Variants in TRAF7 observed in about 807,000 individuals in gnomAD.
The protein encoded by TRAF7 is E3 ubiquitin-protein ligase TRAF7.
In TRAF7, 45 loss-of-function variants were observed where a neutral mutation model predicts 89.3. The observed-to-expected ratio is 0.50, with a 90% CI of 0.40 to 0.65. The LOEUF is 0.65. TRAF7 is among the 30% of genes least tolerant of loss of function. TRAF7 has a pLI of 0.00. For synonymous variants in TRAF7, 406 were observed against 369.2 expected (o/e 1.10, Z -1.14); for missense variants, 677 against 918.1 (o/e 0.74, Z 3.39).
At chr16:2,171,744 G>A (rs980807444) in intron 7 of TRAF7, 139 bp downstream of exon 7, 59 of 1,308,516 alleles carry the variant, frequency 4.5e-5, no homozygotes, top group South Asian at 3.9e-4. Context: ...GGCTGCAGCC[G>A]TCCTAGGGAC....
chr16:2,176,522 C>T (rs756561086), intron 20 of TRAF7, 38 bp from the exon 21 acceptor site: 1 of 1,612,982 alleles, frequency 6.2e-7, no homozygotes, highest in South Asian at 1.1e-5. Context: ...GGGCAGCCGG[C>T]CGCAGGACAT....
rs770881335 is a variant in TRAF7 at position 2,163,951 on chromosome 16, C to T, written c.31C>T (p.Arg11Cys). Residue 11 changes from arginine to cysteine, a missense_variant, in exon 2 of 21, where the codon CGC (arginine) becomes TGC (cysteine). Physicochemically the swap from Arg to Cys is radical, Grantham distance 180. Around this residue, in one of 6 missense-constraint regions of TRAF7, gnomAD observed 240 missense variants for 191.9 expected, o/e 1.25. Transcript: ENST00000326181. The surrounding 1 kb of genome is among the most constrained non-coding windows in gnomAD (Gnocchi z 4.3). MSSGKSARYN[R>C]FSGGPSNLPT... ...CTCAGGCAAGAGTGCCCGCTACAAC[C>T]GCTTCTCCGGGGGGCCCAGCAATCT... 2.4e-5 allele frequency: 38 copies of T among 1,612,740 alleles called. No individual in the cohort carries two copies. In the South Asian group the frequency reaches 2.5e-4, roughly 11 times the overall value.
chr16:2,160,073 G>A (rs952094091), intron 1 of TRAF7, among the ~76,000 whole-genome samples: 7 of 152,234 alleles, frequency 4.6e-5, no homozygotes, highest in African/African-American at 2.4e-5. Context: ...GAGGGGCTGG[G>A]GTGGAGGCAG....
In TRAF7 at chr16:2,172,378, A is replaced by C; in HGVS notation, c.659+4A>C. ...CCATCAAGCTCAGCGCCCGGAAGTA[A>C]GTGCCCCTCCCTGGGCACCTCTGCC... On this transcript the variant is annotated splice_donor_region_variant and intron_variant, in intron 8 of 20. Coordinates refer to ENST00000326181, the MANE Select transcript of TRAF7 (RefSeq NM_032271.3). The C allele has an allele frequency of 6.2e-7, 1 of 1,611,684 alleles. No homozygotes were observed. Among genetic ancestry groups the C allele is most frequent in the Non-Finnish European group, 8.5e-7 (1 of 1,179,428 alleles).
intron 2 of TRAF7, among the ~76,000 whole-genome samples, chr16:2,165,148 G>C (rs73498161): frequency 8.6e-6 from 1 of 116,870 alleles, no homozygotes; most frequent in Non-Finnish European, 1.6e-5. Context: ...ATGCTGAAGC[G>C]TGTGAGTGCT....
chr16:2,165,053 C>T (rs1317510826), intron 2 of TRAF7, among the ~76,000 whole-genome samples: 6 of 120,148 alleles, frequency 5.0e-5, no homozygotes, highest in Non-Finnish European at 4.8e-5. Flanking sequence ...CTGGCCTGGT[C>T]GCATGCTGAA....
chr16:2,165,997 C>T, intron 3 of TRAF7, 61 bp downstream of exon 3: 1 of 1,599,528 alleles, frequency 6.3e-7, no homozygotes, highest in East Asian at 2.2e-5. Context: ...CCATGCCCAC[C>T]CTGCTAAGGA....
chr16:2,175,448 T>C, intron 16 of TRAF7, 31 bp downstream of exon 16: 1 of 1,612,272 alleles, frequency 6.2e-7, no homozygotes. Context: ...TACGTGTGTG[T>C]CACTGAGGCG....
At chr16:2,174,422 C>G in intron 14 of TRAF7, 89 bp downstream of exon 14, 1 of 1,336,468 alleles carries the variant, frequency 7.5e-7, no homozygotes, top group Non-Finnish European at 1.0e-6. Flanking sequence ...GAGCTCGAGC[C>G]TGTGTAGCTA....
At position 2,173,335 on chromosome 16, in the gene TRAF7, C is replaced by T. The variant is rs767621614; in HGVS notation, c.948C>T (p.Arg316=). The T allele has an allele frequency of 3.1e-6, 5 of 1,613,544 alleles. No individual in the cohort carries two copies. Among genetic ancestry groups the T allele is most frequent in the Non-Finnish European group, 4.2e-6 (5 of 1,180,038 alleles). The change falls in exon 10 of 21, where the codon CGC becomes CGT. Residue 316 remains arginine (R), a synonymous_variant. Coordinates refer to ENST00000326181, the MANE Select transcript of TRAF7 (RefSeq NM_032271.3). ...AQKDQEIAFL[R]SMLGKLSEKI... ...AGGACCAGGAGATCGCCTTCCTGCG[C>T]TCCATGCTGGGAAAGCTCTCGGAGA...
chr16:2,175,704 C>T (rs746337757), intron 17 of TRAF7, 82 bp downstream of exon 17: 22 of 1,588,538 alleles, frequency 1.4e-5, no homozygotes, highest in Non-Finnish European at 1.8e-5. Context: ...CTCCATCTGC[C>T]CTGTTCCTAC....
intron 2 of TRAF7, among the ~76,000 whole-genome samples, chr16:2,164,225 G>A (rs554442737): frequency 1.2e-4 from 18 of 151,160 alleles, no homozygotes; most frequent in East Asian, 2.0e-4. Context: ...TGTGTGGCGC[G>A]GCCTGGTTGC....
chr16:2,171,540 G>T lies in TRAF7; in HGVS notation c.442-32G>T. On this transcript the variant is annotated intron_variant, in intron 6 of 20. Transcript: ENST00000326181. The stretch of plus-strand genomic sequence containing the variant: ...GGACTAGGGAAAAAGAGGACCCTGC[G>T]CCACCCTCAAGCCCGCCCTTTGCCT... The T allele has an allele frequency of 3.1e-6, 5 of 1,613,062 alleles. No homozygotes were observed. The Admixed American group carries it at 6.7e-5, about 22-fold the overall frequency.
rs1336828939 is a variant in TRAF7 at position 2,176,359 on chromosome 16, C to G, written c.1973C>G (p.Ser658Ter). Residue 658 changes from serine (S) to a stop codon, truncating the protein, a stop_gained, in exon 20 of 21, where the codon TCA becomes TGA. Coordinates refer to ENST00000326181, the MANE Select transcript of TRAF7 (RefSeq NM_032271.3). LOFTEE classifies it high-confidence loss of function. Reference sequence around the variant, plus strand: ...GCTGTGTCCCGGGGCCGACTCTTCTCAGGGGCTGTGGATAGCACTGTGAAG... The same window carrying G: ...GCTGTGTCCCGGGGCCGACTCTTCTGAGGGGCTGTGGATAGCACTGTGAAG... ...ALAVSRGRLFSGAVDSTVKVW... is the reference protein window; with the variant it reads ...ALAVSRGRLF The G allele has an allele frequency of 1.9e-6, 3 of 1,606,800 alleles. No homozygotes were observed. Among genetic ancestry groups the G allele is most frequent in the Non-Finnish European group, 2.5e-6 (3 of 1,178,526 alleles).
At chr16:2,157,827 G>T (rs2093041545) in intron 1 of TRAF7, among the ~76,000 whole-genome samples, 1 of 152,178 alleles carries the variant, frequency 6.6e-6, no homozygotes, top group Non-Finnish European at 1.5e-5. Context: ...TGTGACTCTG[G>T]TCACAGCGGC....
rs751647565 is a variant in TRAF7, at chr16:2,173,252, G to T, written c.865G>T (p.Glu289Ter). 6.2e-7 allele frequency: 1 copy of T among 1,613,374 alleles called. No homozygotes were observed. The highest frequency in any genetic ancestry group is 8.5e-7 in the Non-Finnish European group (1 of 1,179,962). ...LETCRFEGLK[E>*]FLQQTDDRFH... ...GACTTGCCGCTTCGAGGGCCTGAAG[G>T]AGTTTCTGCAGCAGACGGATGACCG... Residue 289 changes from glutamate (E) to a stop codon, truncating the protein, a stop_gained, in exon 10 of 21, where the codon GAG becomes TAG. Transcript: ENST00000326181. LOFTEE classifies it high-confidence loss of function.
chr16:2,173,857 G>GCGGGGGGCCCCCCC, intron 12 of TRAF7, 21 bp downstream of exon 12: 4 of 1,607,470 alleles, frequency 2.5e-6, no homozygotes, highest in Non-Finnish European at 3.4e-6. Flanking sequence ...ACCCGCCGTG[G>GCGGGGGGCCCCCCC]CTCCCGCCCA....
chr16:2,164,301 T>C (rs2082554930), intron 2 of TRAF7, among the ~76,000 whole-genome samples: 2 of 145,022 alleles, frequency 1.4e-5, no homozygotes, highest in South Asian at 2.2e-4. Context: ...GAGTGCTGCG[T>C]GACCTGGCCT....
At chr16:2,164,167 C>CGCGCGCGCGCGCACGCGT (rs2093070192) in intron 2 of TRAF7, among the ~76,000 whole-genome samples, 166 bp downstream of exon 2, 1 of 105,666 alleles carries the variant, frequency 9.5e-6, no homozygotes, top group Non-Finnish European at 1.9e-5. Flanking sequence ...TGTGCGCGCG[C>CGCGCGCGCGCGCACGCGT]GCGCGCGCGC....
Sources: gnomAD v4.1 joint callset for allele counts (sites outside exome capture counted in the v4.1 genomes callset) on GRCh38, gnomAD v4.1.1 for gene constraint, gnomAD v4.1.1 regional missense constraint, Gnocchi (gnomAD v3.1) non-coding constraint, MANE v1.5 for transcripts, NCBI Gene and HGNC (gene_info 2026-07-23, HGNC 2026-07-21) for gene names.